Variants in CLIC5 observed in about 807,000 individuals in gnomAD.
CLIC5 encodes chloride intracellular channel protein 5.
A neutral mutation model predicts 24.7 loss-of-function variants in CLIC5; 20 were observed. The ratio of observed to expected loss-of-function variants is 0.81; its 90% CI spans 0.57 to 1.18. The LOEUF (loss-of-function observed/expected upper bound fraction) is 1.18, where lower values mean the gene tolerates loss of function less well. Ranked by LOEUF, CLIC5 falls within the 50% of genes most tolerant of loss-of-function variation. The pLI is 0.00. For missense variants in CLIC5, 341 were observed against 326.1 expected, an observed-to-expected ratio of 1.05 and a Z score of -0.35; for synonymous variants, 159 against 135.6, an observed-to-expected ratio of 1.17 and a Z score of -1.20.
At chr6:45,944,850 C>A (rs1487877021) in intron 3 of CLIC5, among the ~76,000 whole-genome samples, 1 of 152,210 alleles carries the variant, frequency 6.6e-6, no homozygotes, top group Admixed American at 6.5e-5. Flanking sequence ...AGTGTTTTCC[C>A]TCCTTTTTCT....
At chr6:46,029,361 A>T (rs1581880509) in intron 1 of CLIC5, among the ~76,000 whole-genome samples, 1 of 152,344 alleles carries the variant, frequency 6.6e-6, no homozygotes, top group East Asian at 1.9e-4. Flanking sequence ...TCTTATCATA[A>T]CAGCAGTCCT....
At chr6:46,072,520 G>A (rs558654100) in intron 1 of CLIC5, among the ~76,000 whole-genome samples, 20 of 152,166 alleles carry the variant, frequency 1.3e-4, no homozygotes, top group Non-Finnish European at 1.8e-4. Flanking sequence ...AGTAGTGCAT[G>A]CATTGACATT....
In CLIC5 at chr6:45,910,051, T is replaced by G. The variant is rs189722253; in HGVS notation, c.588+4177A>C. On this transcript the variant is annotated intron_variant, in intron 5 of 5. Coordinates refer to ENST00000339561, the MANE Select transcript of CLIC5 (RefSeq NM_016929.5). ...AGACATCTGGGAACATTTTTTCCCC[T>G]CTATGCTCCTAGGCCAGTGTTGAAC... Among the ~76,000 whole-genome samples the G allele has an allele frequency of 2.8e-4, 42 of 152,336 alleles. 1 individual carries two copies. The East Asian group carries it at 6.0e-3, about 22-fold the overall frequency.
At chr6:45,942,686 G>A (rs1764173190) in intron 3 of CLIC5, among the ~76,000 whole-genome samples, 1 of 152,154 alleles carries the variant, frequency 6.6e-6, no homozygotes, top group African/African-American at 2.4e-5. Flanking sequence ...AACCAAACAA[G>A]ACTTTAAAAA....
the CLIC5 span, among the ~76,000 whole-genome samples, chr6:46,110,372 C>T: frequency 6.6e-6 from 1 of 152,216 alleles, no homozygotes; most frequent in Non-Finnish European, 1.5e-5. Flanking sequence ...GTCACCCCCA[C>T]GACCTGGTGT....
intron 5 of CLIC5, among the ~76,000 whole-genome samples, chr6:45,903,846 T>C (rs1323009675): frequency 6.6e-6 from 1 of 152,210 alleles, no homozygotes; most frequent in Non-Finnish European, 1.5e-5. Context: ...CTTTCTCTTA[T>C]TCACTTTGTT....
chr6:46,084,982 C>CT (rs1440342358), upstream of CLIC5, among the ~76,000 whole-genome samples: 1 of 152,104 alleles, frequency 6.6e-6, no homozygotes, highest in Non-Finnish European at 1.5e-5. Context: ...TCTTTTTATT[C>CT]TTTTTTCTCT....
intron 1 of CLIC5, among the ~76,000 whole-genome samples, chr6:45,991,896 T>TA (rs958249772): frequency 6.6e-6 from 1 of 152,190 alleles, no homozygotes; most frequent in African/African-American, 2.4e-5. Flanking sequence ...ACAAGATTTT[T>TA]AAAAAATTAG....
chr6:45,941,401 G>GT lies in CLIC5; in HGVS notation c.406+145_406+146insA, dbSNP rs1259725663. 52 of 468,638 alleles carry GT rather than the reference G, an allele frequency of 1.1e-4. No homozygotes were observed. The African/African-American group carries it at 1.9e-3, about 17-fold the overall frequency. The allele number at this position is 468,638 out of a possible 1,614,324, so 29.0% of individuals were successfully genotyped here. A position where few individuals can be genotyped will look rare whatever the true frequency, so the allele number is the denominator to read the frequency against. On this transcript the variant is annotated intron_variant, in intron 4 of 5. Transcript: ENST00000339561. ...TGTCAAGGGGGACAAGATGGTGGTG[G>GT]CGGGGGGTGGGGGCAAATAATAAGC...
intron 1 of CLIC5, among the ~76,000 whole-genome samples, chr6:46,030,298 C>T (rs1215520782): frequency 6.6e-6 from 1 of 152,090 alleles, no homozygotes; most frequent in African/African-American, 2.4e-5. Flanking sequence ...TTTGTTTAAT[C>T]CTTCCATCAT....
At chr6:46,046,622 G>A (rs146619722) in intron 1 of CLIC5, among the ~76,000 whole-genome samples, 3 of 152,224 alleles carry the variant, frequency 2.0e-5, no homozygotes, top group Non-Finnish European at 1.5e-5. Flanking sequence ...ATACCATGAT[G>A]ATTTTGATAA....
intron 1 of CLIC5, among the ~76,000 whole-genome samples, chr6:45,971,017 T>C (rs2127403912): frequency 6.6e-6 from 1 of 152,336 alleles, no homozygotes; most frequent in South Asian, 2.1e-4. Flanking sequence ...AATACAAAAC[T>C]GCCCCATTGG....
At chr6:46,056,321 GA>G (rs1768252973) in intron 1 of CLIC5, among the ~76,000 whole-genome samples, 1 of 152,078 alleles carries the variant, frequency 6.6e-6, no homozygotes, top group Admixed American at 6.5e-5. Context: ...TCAGAATTGG[GA>G]AAAAGTTCCC....
At chr6:45,919,789 C>G (rs981155060) in intron 4 of CLIC5, among the ~76,000 whole-genome samples, 2 of 152,166 alleles carry the variant, frequency 1.3e-5, no homozygotes, top group African/African-American at 4.8e-5. Flanking sequence ...ATATTGAATT[C>G]TTTTTTCTGT....
At chr6:46,116,716 A>G in the CLIC5 span, among the ~76,000 whole-genome samples, 3 of 152,310 alleles carry the variant, frequency 2.0e-5, no homozygotes, top group East Asian at 1.9e-4. Context: ...GATATTGTCC[A>G]TATCCTCTTT....
At chr6:45,970,607 C>A (rs1765169243) in intron 1 of CLIC5, among the ~76,000 whole-genome samples, 1 of 152,168 alleles carries the variant, frequency 6.6e-6, no homozygotes, top group Non-Finnish European at 1.5e-5. Flanking sequence ...GAAGCCACAA[C>A]CTGAGATGAA....
At chr6:45,894,631 A>T (rs1195354797), downstream of CLIC5, among the ~76,000 whole-genome samples, 1 of 152,256 alleles carries the variant, frequency 6.6e-6, no homozygotes, top group African/African-American at 2.4e-5. Flanking sequence ...AGCTAAGTTT[A>T]TCAGATTTAT....
intron 1 of CLIC5, among the ~76,000 whole-genome samples, chr6:46,040,705 T>C (rs1202399852): frequency 1.3e-5 from 2 of 151,950 alleles, no homozygotes; most frequent in Non-Finnish European, 2.9e-5. Context: ...ATGAAGGAGA[T>C]GGTGATAGTA....
chr6:46,050,995 G>C (rs1768086958), intron 1 of CLIC5, among the ~76,000 whole-genome samples: 1 of 152,110 alleles, frequency 6.6e-6, no homozygotes, highest in Non-Finnish European at 1.5e-5. Context: ...GAGCCACTGT[G>C]TGTGAGTCAA....
Sources: allele counts gnomAD v4.1 joint callset (sites outside exome capture counted in the v4.1 genomes callset), GRCh38; gene constraint gnomAD v4.1.1; transcripts MANE v1.5; gene names NCBI Gene and HGNC (gene_info 2026-07-23, HGNC 2026-07-21).